GALNT13: variants seen among roughly 807,000 people sequenced by gnomAD.
The protein encoded by GALNT13 is UDP-GalNAc:polypeptide N-acetylgalactosaminyltransferase 13.
A neutral mutation model predicts 64.2 loss-of-function variants in GALNT13; 28 were observed. The ratio of observed to expected loss-of-function variants is 0.44; its 90% confidence interval spans 0.32 to 0.60. The LOEUF is 0.60. GALNT13 is among the 20% of genes least tolerant of loss of function. GALNT13 has a pLI of 0.05. For missense variants in GALNT13, 577 were observed against 669.8 expected, an observed-to-expected ratio of 0.86 and a Z score of 1.53; for synonymous variants, 214 against 224.6, an observed-to-expected ratio of 0.95 and a Z score of 0.42.
the GALNT13 span, among the ~76,000 whole-genome samples, chr2:153,319,720 T>G: frequency 6.6e-6 from 1 of 152,218 alleles, no homozygotes; most frequent in Non-Finnish European, 1.5e-5. Flanking sequence ...TTTTTGACAA[T>G]TGCTACATTC....
the GALNT13 span, among the ~76,000 whole-genome samples, chr2:153,665,528 A>G: frequency 6.6e-6 from 1 of 152,104 alleles, no homozygotes; most frequent in Non-Finnish European, 1.5e-5. Flanking sequence ...AATTCTAGTT[A>G]TCCTCATATC....
the GALNT13 span, among the ~76,000 whole-genome samples, chr2:153,487,619 C>G: frequency 6.6e-6 from 1 of 152,156 alleles, no homozygotes; most frequent in Non-Finnish European, 1.5e-5. Flanking sequence ...GTATGAAGAG[C>G]ATGTAATCCA....
At chr2:153,211,506 TAG>T in the GALNT13 span, among the ~76,000 whole-genome samples, 4 of 152,204 alleles carry the variant, frequency 2.6e-5, no homozygotes, top group African/African-American at 9.6e-5. Context: ...AATGCTAAGG[TAG>T]CAGAAAAGCA....
At chr2:154,108,434 G>T (rs545146010) in intron 3 of GALNT13, among the ~76,000 whole-genome samples, 2 of 151,646 alleles carry the variant, frequency 1.3e-5, no homozygotes, top group African/African-American at 4.8e-5. Context: ...CAACTTTCTT[G>T]CCCATTTTTT....
chr2:154,427,781 C>T (rs1184566808), intron 11 of GALNT13, among the ~76,000 whole-genome samples: 1 of 152,126 alleles, frequency 6.6e-6, no homozygotes, highest in Admixed American at 6.6e-5. Context: ...CTGAACAAAC[C>T]GCTGAGCTAA....
chr2:153,568,481 A>AC, the GALNT13 span, among the ~76,000 whole-genome samples: 1 of 152,218 alleles, frequency 6.6e-6, no homozygotes, highest in Admixed American at 6.5e-5. Context: ...CATGGCCATC[A>AC]AGTGATACTG....
At chr2:153,391,128 A>G in the GALNT13 span, among the ~76,000 whole-genome samples, 1 of 151,988 alleles carries the variant, frequency 6.6e-6, no homozygotes, top group African/African-American at 2.4e-5. Flanking sequence ...GGGTCATATA[A>G]AGACTTGTAG....
At chr2:154,157,689 T>A (rs1306486988) in intron 4 of GALNT13, among the ~76,000 whole-genome samples, 3 of 152,248 alleles carry the variant, frequency 2.0e-5, no homozygotes, top group Non-Finnish European at 2.9e-5. Flanking sequence ...TTGAGCCATC[T>A]CCGTACCACC....
chr2:153,892,947 G>T (rs1436668605), intron 1 of GALNT13, among the ~76,000 whole-genome samples: 1 of 152,030 alleles, frequency 6.6e-6, no homozygotes, highest in Non-Finnish European at 1.5e-5. Flanking sequence ...TGTATCCAGA[G>T]TGGCCTAAAG....
At chr2:154,424,389 T>C (rs1332728579) in intron 11 of GALNT13, among the ~76,000 whole-genome samples, 1 of 152,184 alleles carries the variant, frequency 6.6e-6, no homozygotes, top group African/African-American at 2.4e-5. Context: ...AGAATAATAC[T>C]GTATGTGCTA....
chr2:153,533,539 T>C, the GALNT13 span, among the ~76,000 whole-genome samples: 16,071 of 151,306 alleles, frequency 0.11, 866 homozygotes, highest in Middle Eastern at 0.16. Context: ...CGTGAGCCAC[T>C]ATGCCTGGCC....
chr2:153,674,537 T>TA, the GALNT13 span, among the ~76,000 whole-genome samples: 1 of 152,090 alleles, frequency 6.6e-6, no homozygotes, highest in Non-Finnish European at 1.5e-5. Flanking sequence ...TTACACCTTA[T>TA]AAAAAATTAA....
chr2:153,441,908 C>T, the GALNT13 span, among the ~76,000 whole-genome samples: 3 of 152,180 alleles, frequency 2.0e-5, no homozygotes, highest in African/African-American at 4.8e-5. Context: ...GACAATTTGA[C>T]TTCCTCTCTT....
intron 3 of GALNT13, among the ~76,000 whole-genome samples, chr2:154,054,556 T>A (rs777113603): frequency 6.6e-6 from 1 of 152,072 alleles, no homozygotes; most frequent in African/African-American, 2.4e-5. Flanking sequence ...ATTTTCATTT[T>A]AAAAAAATTA....
the GALNT13 span, among the ~76,000 whole-genome samples, chr2:153,533,369 A>G: frequency 8.7e-4 from 133 of 152,066 alleles, no homozygotes; most frequent in Admixed American, 1.5e-3. Flanking sequence ...CTCCCACCTC[A>G]GCCTCACAAG....
At chr2:153,452,345 G>A in the GALNT13 span, among the ~76,000 whole-genome samples, 2 of 152,122 alleles carry the variant, frequency 1.3e-5, no homozygotes, top group Non-Finnish European at 2.9e-5. Context: ...GCTGGTCGTG[G>A]TGGAGGGTGC....
At chr2:153,293,001 GT>G in the GALNT13 span, among the ~76,000 whole-genome samples, 2 of 151,892 alleles carry the variant, frequency 1.3e-5, no homozygotes, top group South Asian at 2.1e-4. Flanking sequence ...TTTTGTTAAG[GT>G]TTTTTTCCCT....
the GALNT13 span, among the ~76,000 whole-genome samples, chr2:153,558,729 G>A: frequency 5.3e-5 from 8 of 152,102 alleles, no homozygotes; most frequent in Non-Finnish European, 1.0e-4. Flanking sequence ...GATAACTTCC[G>A]TTAAAATTTA....
At chr2:153,849,430 A>T in the GALNT13 span, among the ~76,000 whole-genome samples, 131,732 of 152,202 alleles carry the variant, frequency 0.87, 58,085 homozygotes, top group Non-Finnish European at 0.94. Context: ...AAGGAGCAGC[A>T]ATGACGCAGC....
Sources: gnomAD v4.1 joint callset for allele counts (sites outside exome capture counted in the v4.1 genomes callset) on GRCh38, gnomAD v4.1.1 for gene constraint, MANE v1.5 for transcripts, NCBI Gene and HGNC (gene_info 2026-07-23, HGNC 2026-07-21) for gene names.